The following SPAG1 variants were observed in gnomAD, a reference collection of about 807,000 sequenced individuals.
The protein encoded by SPAG1 is sperm-associated antigen 1.
SPAG1 carries 69 observed loss-of-function variants against 100.5 expected under a neutral mutation model. The observed-to-expected ratio is 0.69, with a 90% CI of 0.57 to 0.84. SPAG1 has a LOEUF of 0.84. Ranked by LOEUF, SPAG1 falls within the 40% of genes least tolerant of loss-of-function variation. The pLI is 0.00. For synonymous variants in SPAG1, 336 were observed against 411.6 expected, an observed-to-expected ratio of 0.82 and a Z score of 2.22; for missense variants, 955 against 1,133.1, an observed-to-expected ratio of 0.84 and a Z score of 2.26.
Position 100,165,945 on chromosome 8 carries a change from A to G in SPAG1, c.272A>G (p.Glu91Gly). 3 of 1,613,864 alleles carry G rather than the reference A, an allele frequency of 1.9e-6. No homozygotes were observed. Among genetic ancestry groups the G allele is most frequent in the Non-Finnish European group, 2.5e-6 (3 of 1,179,956 alleles). The change falls in exon 3 of 19, where the codon GAA becomes GGA. Residue 91 changes from glutamate to glycine, a missense_variant. Physicochemically the swap from Glu to Gly is moderately conservative, Grantham distance 98. Transcript: ENST00000388798. ...AATAASFTAE[E>G]WEKIDGDIKS... ...ACAGCAGCCAGTTTTACAGCTGAAG[A>G]ATGGGAAAAAATTGATGGTGATATA...
In SPAG1 at chr8:100,180,607, T is replaced by C. The variant is rs1816326837; in HGVS notation, c.426+2666T>C. 2.0e-5 allele frequency among the ~76,000 whole-genome samples: 3 copies of C among 152,158 alleles called. No individual in the cohort carries two copies. In the South Asian group the frequency reaches 6.2e-4, roughly 32 times the overall value. ...GGCAGAACAGCTGGTTTTTATAAGGTAGCTTGAGCAGGGATAAGGCATACA... is the reference window on the plus strand; with the variant it reads ...GGCAGAACAGCTGGTTTTTATAAGGCAGCTTGAGCAGGGATAAGGCATACA... On this transcript the variant is annotated intron_variant, in intron 4 of 18. Coordinates refer to ENST00000388798, the MANE Select transcript of SPAG1 (RefSeq NM_003114.5).
At chr8:100,193,106 A>C (rs1207226305) in intron 9 of SPAG1, among the ~76,000 whole-genome samples, 1 of 152,224 alleles carries the variant, frequency 6.6e-6, no homozygotes, top group Non-Finnish European at 1.5e-5. Context: ...AAAAGTTGAT[A>C]TATTGGACTT....
At chr8:100,220,252 G>C (rs1389454230) in intron 12 of SPAG1, 27 bp from the exon 13 acceptor site, 1 of 1,590,336 alleles carries the variant, frequency 6.3e-7, no homozygotes, top group African/African-American at 1.4e-5. Flanking sequence ...CAAAACAAAT[G>C]GTATGTAATA....
At chr8:100,180,923 CTG>C (rs1816339567) in intron 4 of SPAG1, among the ~76,000 whole-genome samples, 1 of 152,170 alleles carries the variant, frequency 6.6e-6, no homozygotes, top group African/African-American at 2.4e-5. Context: ...ATAATGAAAT[CTG>C]TGAATATTTG....
chr8:100,168,449 A>G (rs1815660073), intron 3 of SPAG1, among the ~76,000 whole-genome samples: 2 of 152,110 alleles, frequency 1.3e-5, no homozygotes, highest in African/African-American at 2.4e-5. Flanking sequence ...GCTGGAGTGC[A>G]GTGGCACCAT....
intron 12 of SPAG1, among the ~76,000 whole-genome samples, chr8:100,219,315 T>C (rs897661411): frequency 6.6e-6 from 1 of 152,182 alleles, no homozygotes; most frequent in Non-Finnish European, 1.5e-5. Flanking sequence ...ATAGCATGAG[T>C]TGAAAGAATA....
intron 5 of SPAG1, 33 bp from the exon 6 acceptor site, chr8:100,183,923 A>C: frequency 9.8e-7 from 1 of 1,015,376 alleles, no homozygotes; most frequent in South Asian, 1.5e-5. Flanking sequence ...CCTGTATTGT[A>C]CTTTTTTGGT....
intron 10 of SPAG1, 21 bp from the exon 11 acceptor site, chr8:100,213,069 C>T: frequency 6.9e-7 from 1 of 1,441,376 alleles, no homozygotes; most frequent in Non-Finnish European, 9.1e-7. Context: ...ACCCTCACTT[C>T]CCGCATCCAC....
chr8:100,192,899 C>T (rs1030652656), intron 9 of SPAG1, among the ~76,000 whole-genome samples: 2 of 152,112 alleles, frequency 1.3e-5, no homozygotes, highest in Non-Finnish European at 2.9e-5. Context: ...GCTAGGATTA[C>T]AGGCATGAGC....
intron 12 of SPAG1, among the ~76,000 whole-genome samples, chr8:100,219,383 A>G (rs978451311): frequency 9.2e-5 from 14 of 152,224 alleles, no homozygotes; most frequent in African/African-American, 2.9e-4. Context: ...TTATATAGAA[A>G]GGAGGCTCTT....
At chr8:100,163,557 A>G (rs934288337) in intron 2 of SPAG1, among the ~76,000 whole-genome samples, 2 of 152,062 alleles carry the variant, frequency 1.3e-5, no homozygotes, top group African/African-American at 4.8e-5. Context: ...CCAGAGTTCT[A>G]TTGCAGAAGA....
intron 10 of SPAG1, among the ~76,000 whole-genome samples, chr8:100,204,835 A>G (rs1817438875): frequency 6.6e-6 from 1 of 152,194 alleles, no homozygotes; most frequent in Non-Finnish European, 1.5e-5. Flanking sequence ...GCAGTCACTC[A>G]CCTACAAAAT....
rs780342865 is a variant in SPAG1, at chr8:100,240,753, T to TA, written c.2634dup (p.Ala879SerfsTer5). 71 of 1,601,008 alleles carry TA rather than the reference T, an allele frequency of 4.4e-5. No homozygotes were observed. In the South Asian group the frequency reaches 7.5e-4, roughly 17 times the overall value. ...TGTATCAGCATCTTTTATACCTGAG[T>TA]AAAGCAGAAAGGTTTAAGGTAAGTG... is the stretch of plus-strand genomic sequence containing the variant. On this transcript the variant is annotated frameshift_variant, in exon 18 of 19. Coordinates refer to ENST00000388798, the MANE Select transcript of SPAG1 (RefSeq NM_003114.5). LOFTEE classifies it high-confidence loss of function.
rs1475622975 is a variant in SPAG1 at position 100,191,590 on chromosome 8, T to TGAA, written c.939+97_939+99dup. ...ATCAATCTTGCCAAACAAATTATGT[T>TGAA]GAAGATCAGGTCACAGCTTTAAAAG... On this transcript the variant is annotated intron_variant, in intron 9 of 18. Transcript: ENST00000388798. 2.3e-5 allele frequency: 19 copies of TGAA among 820,640 alleles called. No homozygotes were observed. In the African/African-American group the frequency reaches 3.1e-4, roughly 13 times the overall value. 50.8% of individuals were successfully genotyped at this position (820,640 alleles called of 1,614,324 possible).
intron 10 of SPAG1, 68 bp from the exon 11 acceptor site, chr8:100,213,022 T>TCCGCGGCCG (rs536980630): frequency 1.0e-4 from 129 of 1,263,910 alleles, no homozygotes; most frequent in Non-Finnish European, 1.2e-4. Flanking sequence ...CCCCGCGGCC[T>TCCGCGGCCG]CCGCGGCCTC....
In SPAG1 at chr8:100,233,432, G is replaced by A. The variant is rs753056406; in HGVS notation, c.2010G>A (p.Leu670=). 5.6e-6 allele frequency: 9 copies of A among 1,613,940 alleles called. No homozygotes were observed. The highest frequency in any genetic ancestry group is 7.6e-6 in the Non-Finnish European group (9 of 1,179,972). ...YTNRALCYLK[L]CQFEEAKQDC... is the part of the protein sequence containing the mutation. ...CCAGAGCTCTCTGTTACTTGAAGCT[G>A]TGCCAGTTTGAAGAAGCAAAGCAGG... The change falls in exon 16 of 19, where the codon CTG becomes CTA. Residue 670 remains leucine (L), a synonymous_variant. Coordinates refer to ENST00000388798, the MANE Select transcript of SPAG1 (RefSeq NM_003114.5).
At chr8:100,172,851 T>G (rs1259274004) in intron 3 of SPAG1, among the ~76,000 whole-genome samples, 2 of 152,042 alleles carry the variant, frequency 1.3e-5, no homozygotes, top group Non-Finnish European at 2.9e-5. Context: ...TGCTGCTTTT[T>G]AAACTTTCAG....
intron 14 of SPAG1, among the ~76,000 whole-genome samples, chr8:100,228,320 C>G (rs964181299): frequency 6.6e-6 from 1 of 150,976 alleles, no homozygotes; most frequent in African/African-American, 2.4e-5. Context: ...GGCAGTAATC[C>G]CAGTAGTTTG....
intron 14 of SPAG1, among the ~76,000 whole-genome samples, chr8:100,225,855 CAG>C (rs1340872935): frequency 6.6e-5 from 10 of 152,126 alleles, no homozygotes; most frequent in African/African-American, 1.7e-4. Flanking sequence ...TGTTTTGAGA[CAG>C]GGGCTTGCTC....
Sources: gnomAD v4.1 joint callset for allele counts (sites outside exome capture counted in the v4.1 genomes callset) on GRCh38, gnomAD v4.1.1 for gene constraint, MANE v1.5 for transcripts, NCBI Gene and HGNC (gene_info 2026-07-23, HGNC 2026-07-21) for gene names.